The following CDYL2 variants were observed in gnomAD, a reference collection of about 807,000 sequenced individuals.
CDYL2 encodes the protein chromodomain Y-like protein 2.
In CDYL2, 23 loss-of-function variants were observed where a neutral mutation model predicts 49.4. The observed-to-expected ratio is 0.47, with a 90% CI of 0.34 to 0.66. The LOEUF is 0.66. Ranked by LOEUF, CDYL2 falls within the 30% of genes least tolerant of loss-of-function variation. The pLI, the probability that CDYL2 is intolerant of heterozygous loss-of-function variation, is 0.01. For missense variants in CDYL2, 678 were observed against 656.4 expected (o/e 1.03, Z -0.36); for synonymous variants, 360 against 268.8 (o/e 1.34, Z -3.32).
At chr16:80,622,123 G>A (rs977118238) in intron 3 of CDYL2, among the ~76,000 whole-genome samples, 4 of 152,208 alleles carry the variant, frequency 2.6e-5, no homozygotes, top group Admixed American at 2.6e-4. Context: ...TATGCACTTT[G>A]ACACTGCAAA....
intron 1 of CDYL2, among the ~76,000 whole-genome samples, chr16:80,711,390 G>A (rs1389793169): frequency 6.6e-6 from 1 of 152,214 alleles, no homozygotes; most frequent in Non-Finnish European, 1.5e-5. Context: ...CTTGTGGAGG[G>A]CTGCATGCAC....
At chr16:80,643,717 G>T (rs766756126) in intron 2 of CDYL2, among the ~76,000 whole-genome samples, 8 of 152,244 alleles carry the variant, frequency 5.3e-5, no homozygotes, top group Non-Finnish European at 1.0e-4. Context: ...GGCCCAAGCT[G>T]TATGTTGGCC....
chr16:80,752,311 C>T (rs752001849), intron 1 of CDYL2, among the ~76,000 whole-genome samples: 1 of 152,052 alleles, frequency 6.6e-6, no homozygotes, highest in Non-Finnish European at 1.5e-5. Flanking sequence ...AAGTCTGTGT[C>T]TGTCTGACTG....
chr16:80,669,438 CT>C (rs1399851149), intron 2 of CDYL2, among the ~76,000 whole-genome samples: 2 of 152,242 alleles, frequency 1.3e-5, no homozygotes, highest in African/African-American at 4.8e-5. Flanking sequence ...GATGTCCCCC[CT>C]CCACCTCACT....
chr16:80,625,210 T>C (rs1043580452), intron 3 of CDYL2, among the ~76,000 whole-genome samples: 1 of 152,226 alleles, frequency 6.6e-6, no homozygotes, highest in African/African-American at 2.4e-5. Context: ...CTGCATTCCT[T>C]TGTGGAGGCG....
intron 1 of CDYL2, among the ~76,000 whole-genome samples, chr16:80,788,335 A>T (rs1907500971): frequency 6.6e-6 from 1 of 152,230 alleles, no homozygotes; most frequent in Non-Finnish European, 1.5e-5. Context: ...ATTGACAAAC[A>T]TCCATTCAGA....
rs561333073 is a variant in CDYL2, at chr16:80,765,830, C to A, written c.24+38320G>T. Among the ~76,000 whole-genome samples the A allele has an allele frequency of 2.9e-3, 351 of 122,652 alleles. 1 individual carries two copies. The highest frequency in any genetic ancestry group is 0.011 in the African/African-American group (343 of 30,750). The allele number at this position is 122,652 out of a possible 152,430, so 80.5% of individuals were successfully genotyped here. On this transcript the variant is annotated intron_variant, in intron 1 of 6. Transcript: ENST00000570137. ...CTGAGGTGGGAGGATCTCTTGAGCC[C>A]AGGAGTTTGAGACCAGCCTGGGCAA...
intron 2 of CDYL2, among the ~76,000 whole-genome samples, chr16:80,669,967 G>A (rs377635035): frequency 2.6e-5 from 4 of 152,158 alleles, no homozygotes; most frequent in African/African-American, 4.8e-5. Flanking sequence ...AATCTCACCC[G>A]TCTCCATGCA....
intron 4 of CDYL2, among the ~76,000 whole-genome samples, chr16:80,616,003 C>G (rs1236051701): frequency 1.3e-5 from 2 of 152,334 alleles, no homozygotes; most frequent in Non-Finnish European, 2.9e-5. Flanking sequence ...TGTACGCCAC[C>G]TTCCCCCACA....
At chr16:80,763,346 C>G (rs1478418837) in intron 1 of CDYL2, among the ~76,000 whole-genome samples, 2 of 70 alleles carry the variant, frequency 0.029, no homozygotes, top group Non-Finnish European at 0.048. Flanking sequence ...TGAGGTGGCT[C>G]ACACCTGTAA....
At chr16:80,747,161 G>A (rs1256560773) in intron 1 of CDYL2, among the ~76,000 whole-genome samples, 1 of 152,074 alleles carries the variant, frequency 6.6e-6, no homozygotes. Context: ...AGATAGAAAG[G>A]CCAAAATAAA....
rs566349406 is a variant in CDYL2, at chr16:80,736,782, A to G, written c.25-51653T>C. 5.3e-5 allele frequency among the ~76,000 whole-genome samples: 8 copies of G among 152,274 alleles called. No individual in the cohort carries two copies. In the East Asian group the frequency reaches 1.4e-3, roughly 26 times the overall value. On this transcript the variant is annotated intron_variant, in intron 1 of 6. Transcript: ENST00000570137. ...CATCAAAAATTATTTTTAATGATCT[A>G]TCAACTTACAGCCCAATTAGGGCTT...
intron 2 of CDYL2, among the ~76,000 whole-genome samples, chr16:80,657,749 C>G (rs1022255489): frequency 7.2e-5 from 11 of 152,090 alleles, no homozygotes; most frequent in Non-Finnish European, 1.6e-4. Flanking sequence ...CAGTATCTGA[C>G]AACACTGTTT....
intron 2 of CDYL2, among the ~76,000 whole-genome samples, chr16:80,671,506 C>T (rs1251651379): frequency 1.3e-5 from 2 of 152,318 alleles, no homozygotes; most frequent in Middle Eastern, 3.4e-3. Flanking sequence ...CTGCCCCAAA[C>T]GCATCTTCTC....
At chr16:80,788,266 T>A (rs371908279) in intron 1 of CDYL2, among the ~76,000 whole-genome samples, 2 of 152,282 alleles carry the variant, frequency 1.3e-5, no homozygotes, top group East Asian at 1.9e-4. Context: ...GTTTCCACCA[T>A]CACAATTACT....
intron 1 of CDYL2, among the ~76,000 whole-genome samples, chr16:80,795,104 AGAACACTG>A (rs1383733115): frequency 6.6e-6 from 1 of 152,216 alleles, no homozygotes; most frequent in Non-Finnish European, 1.5e-5. Context: ...CATAATTTTA[AGAACACTG>A]GACTAGAAGA....
chr16:80,708,361 T>C (rs775846637), intron 1 of CDYL2, among the ~76,000 whole-genome samples: 4 of 152,190 alleles, frequency 2.6e-5, no homozygotes, highest in Non-Finnish European at 4.4e-5. Flanking sequence ...GGGCAGTTCC[T>C]CTGCACAAGC....
intron 3 of CDYL2, among the ~76,000 whole-genome samples, chr16:80,630,292 A>C (rs185613862): frequency 1.3e-5 from 2 of 152,336 alleles, no homozygotes; most frequent in East Asian, 3.9e-4. Flanking sequence ...AGGAGGTGAG[A>C]ACCTGTGCAC....
At position 80,604,334 on chromosome 16, in the gene CDYL2, G is replaced by C. The variant is rs1597117111; in HGVS notation, c.*54C>G. Reference sequence around the variant, plus strand: ...TGGCCGGGGCAGACACTGTGCTCTGGTTTCCGAAACACAGGGCAGAGCTGG... The same window carrying C: ...TGGCCGGGGCAGACACTGTGCTCTGCTTTCCGAAACACAGGGCAGAGCTGG... On this transcript the variant is annotated 3_prime_UTR_variant, in exon 7 of 7. Transcript: ENST00000570137. 3 of 1,603,114 alleles carry C rather than the reference G, an allele frequency of 1.9e-6. No individual in the cohort carries two copies. The highest frequency in any genetic ancestry group is 2.2e-5 in the East Asian group (1 of 44,820).
Sources: gnomAD v4.1 joint callset for allele counts (sites outside exome capture counted in the v4.1 genomes callset) on GRCh38, gnomAD v4.1.1 for gene constraint, MANE v1.5 for transcripts, NCBI Gene and HGNC (gene_info 2026-07-23, HGNC 2026-07-21) for gene names.